The following CDHR1 variants were observed in gnomAD, a reference collection of about 807,000 sequenced individuals.
The protein encoded by CDHR1 is cadherin related family member 1.
CDHR1 carries 61 observed loss-of-function variants against 72.1 expected under a neutral mutation model. The ratio of observed to expected loss-of-function variants is 0.85; its 90% CI spans 0.69 to 1.05. The LOEUF is 1.05. Among genes scored for constraint, CDHR1 ranks in the 50% least tolerant of loss-of-function variants. The pLI is 0.00. For missense variants in CDHR1, 1,186 were observed against 1,115.7 expected (o/e 1.06, Z -0.90); for synonymous variants, 470 against 448.1 (o/e 1.05, Z -0.62).
At position 84,199,970 on chromosome 10, in the gene CDHR1, C is replaced by T. The variant is rs918143699; in HGVS notation, c.439-631C>T. Among the ~76,000 whole-genome samples the T allele has an allele frequency of 8.5e-5, 13 of 152,224 alleles. No homozygotes were observed. In the East Asian group the frequency reaches 1.2e-3, roughly 14 times the overall value. ...GACAGATCACCTGAGGTCAGGAGTT[C>T]GAGACCAGCCTGACCAACATGGTGA... On this transcript the variant is annotated intron_variant, in intron 5 of 16. Coordinates refer to ENST00000623527, the MANE Select transcript of CDHR1 (RefSeq NM_033100.4).
At chr10:84,207,571 G>T (rs995803012) in intron 10 of CDHR1, among the ~76,000 whole-genome samples, 1 of 152,294 alleles carries the variant, frequency 6.6e-6, no homozygotes, top group East Asian at 1.9e-4. Context: ...CTGCCACATG[G>T]TTCACAAGGT....
chr10:84,205,662 AG>A, intron 9 of CDHR1, 164 bp from the exon 10 acceptor site: 1 of 679,068 alleles, frequency 1.5e-6, no homozygotes, highest in Non-Finnish European at 2.7e-6. Context: ...GCCTTAGACA[AG>A]TTACTTAGCC....
rs769702557 is a variant in CDHR1, at chr10:84,201,892, G to A, written c.611G>A (p.Arg204Gln). The A allele has an allele frequency of 5.0e-5, 80 of 1,607,226 alleles. No individual in the cohort carries two copies. Among genetic ancestry groups the A allele is most frequent in the Admixed American group, 1.7e-4 (10 of 60,006 alleles). The change falls in exon 7 of 17, where the codon CGG becomes CAG. Residue 204 changes from arginine to glutamine, a missense_variant. Coordinates refer to ENST00000623527, the MANE Select transcript of CDHR1 (RefSeq NM_033100.4). ...AGATLDYERS[R>Q]THYITVVAKD... ...GCCACTCTGGACTACGAGAGGTCCC[G>A]GACCCACTACATCACCGTGGTCGCC...
At position 84,217,222 on chromosome 10, in the gene CDHR1, A is replaced by G; in HGVS notation, c.*2601A>G. Reference sequence around the variant, plus strand: ...GGGCTGTCTGCTAGGTCCCAGTAGGACAGGCAGAGCTCCAGGCTGGCACCA... The same window carrying G: ...GGGCTGTCTGCTAGGTCCCAGTAGGGCAGGCAGAGCTCCAGGCTGGCACCA... On this transcript the variant is annotated 3_prime_UTR_variant, in exon 17 of 17. Transcript: ENST00000623527. 1.0e-6 allele frequency: 1 copy of G among 985,490 alleles called. No individual in the cohort carries two copies. Among genetic ancestry groups the G allele is most frequent in the Non-Finnish European group, 1.2e-6 (1 of 829,980 alleles). The allele number at this position is 985,490 out of a possible 1,614,324, so 61.0% of individuals were successfully genotyped here.
intron 4 of CDHR1, 75 bp from the exon 5 acceptor site, chr10:84,198,957 T>C: frequency 7.5e-6 from 8 of 1,060,238 alleles, no homozygotes; most frequent in Non-Finnish European, 1.1e-5. Context: ...TACATTGGAG[T>C]GATAGAGGTC....
chr10:84,216,016 G>A lies in CDHR1; in HGVS notation c.*1395G>A. 2.0e-6 allele frequency: 2 copies of A among 985,460 alleles called. No homozygotes were observed. Among genetic ancestry groups the A allele is most frequent in the Non-Finnish European group, 2.4e-6 (2 of 829,956 alleles). The allele number at this position is 985,460 out of a possible 1,614,324, so 61.0% of individuals were successfully genotyped here. On this transcript the variant is annotated 3_prime_UTR_variant, in exon 17 of 17. Transcript: ENST00000623527. ...GCAAAGATCTTGTCTAGCCAGGGCA[G>A]CCCTTATCAGCTTGTGACAACCTTC...
chr10:84,213,631 G>A (rs1489758720), intron 16 of CDHR1, among the ~76,000 whole-genome samples: 2 of 152,218 alleles, frequency 1.3e-5, no homozygotes, highest in African/African-American at 4.8e-5. Flanking sequence ...AAAGCAGAGT[G>A]AAGTCATTAT....
chr10:84,214,889 A>G lies in CDHR1; in HGVS notation c.*268A>G. ...CCCCGTTACTCAAATCCTTGGCACT[A>G]CTACAATGCCCTCCATTCTTCAGGG... On this transcript the variant is annotated 3_prime_UTR_variant, in exon 17 of 17. Transcript: ENST00000623527. The G allele has an allele frequency of 7.1e-7, 1 of 1,415,674 alleles. No individual in the cohort carries two copies. The highest frequency in any genetic ancestry group is 1.5e-5 in the South Asian group (1 of 66,996). 87.7% of individuals were successfully genotyped at this position (1,415,674 alleles called of 1,614,324 possible). A position where few individuals can be genotyped will look rare whatever the true frequency, so the allele number is the denominator to read the frequency against.
intron 8 of CDHR1, 122 bp from the exon 9 acceptor site, chr10:84,204,405 C>T (rs908845467): frequency 9.3e-6 from 7 of 756,196 alleles, no homozygotes; most frequent in African/African-American, 5.1e-5. Context: ...TCCACCGCCA[C>T]GTAGAGGCCT....
chr10:84,210,921 G>A (rs887666333), intron 12 of CDHR1, 80 bp from the exon 13 acceptor site: 1 of 1,467,244 alleles, frequency 6.8e-7, no homozygotes, highest in Non-Finnish European at 9.5e-7. Context: ...TGCCACATCA[G>A]TCCTGGGGAG....
intron 11 of CDHR1, among the ~76,000 whole-genome samples, 176 bp downstream of exon 11, chr10:84,208,553 A>G (rs888834858): frequency 1.3e-5 from 2 of 152,204 alleles, no homozygotes; most frequent in Non-Finnish European, 2.9e-5. Context: ...TAACCAATCA[A>G]AGACTATCTG....
rs375309991 is a variant in CDHR1 at position 84,208,163 on chromosome 10, C to A, written c.964-11C>A. On this transcript the variant is annotated splice_polypyrimidine_tract_variant and intron_variant, in intron 10 of 16. Coordinates refer to ENST00000623527, the MANE Select transcript of CDHR1 (RefSeq NM_033100.4). The stretch of plus-strand genomic sequence containing the variant: ...CTGCCACACAGCCATAGCCACTTGT[C>A]CCCATCCCAGGTGACTGAAATGAGC... 5.0e-6 allele frequency: 8 copies of A among 1,613,242 alleles called. No homozygotes were observed. In the East Asian group the frequency reaches 8.9e-5, roughly 18 times the overall value.
Position 84,218,294 on chromosome 10 carries a change from G to A in CDHR1, c.*3673G>A. 1 of 985,432 alleles carries A rather than the reference G, an allele frequency of 1.0e-6. No homozygotes were observed. The highest frequency in any genetic ancestry group is 1.2e-6 in the Non-Finnish European group (1 of 829,928). The allele number at this position is 985,432 out of a possible 1,614,324, so 61.0% of individuals were successfully genotyped here. On this transcript the variant is annotated 3_prime_UTR_variant, in exon 17 of 17. Transcript: ENST00000623527. ...GTCATGGCTTAAGCGACCATCATTT[G>A]ATCAATAAAGCAGAGTAGCAACAGG...
In CDHR1 at chr10:84,200,678, C is replaced by T; in HGVS notation, c.516C>T (p.Tyr172=). 6.2e-7 allele frequency: 1 copy of T among 1,609,878 alleles called. No individual in the cohort carries two copies. Among genetic ancestry groups the T allele is most frequent in the Non-Finnish European group, 8.5e-7 (1 of 1,177,946 alleles). ...RDTGSGGSVT[Y]FLQNLHSPFA... Reference sequence around the variant, plus strand: ...CAGGCTCTGGAGGGAGTGTCACCTACTTCCTGCAGGTAAGGCAGGACACAC... The same window carrying T: ...CAGGCTCTGGAGGGAGTGTCACCTATTTCCTGCAGGTAAGGCAGGACACAC... The change falls in exon 6 of 17, where the codon TAC becomes TAT. Residue 172 remains tyrosine (Y), a synonymous_variant. Transcript: ENST00000623527.
At chr10:84,210,092 C>T (rs917845676) in intron 12 of CDHR1, among the ~76,000 whole-genome samples, 8 of 152,098 alleles carry the variant, frequency 5.3e-5, no homozygotes, top group Admixed American at 1.3e-4. Flanking sequence ...TTGTGGTGCA[C>T]GCCTGTAGTC....
At chr10:84,194,885 G>A (rs1841999574) in intron 1 of CDHR1, 70 bp downstream of exon 1, 5 of 1,419,898 alleles carry the variant, frequency 3.5e-6, no homozygotes, top group Non-Finnish European at 1.9e-6. Flanking sequence ...CACCCAGGTG[G>A]CCAGAGGGAC....
At chr10:84,197,636 T>C in intron 3 of CDHR1, 150 bp from the exon 4 acceptor site, 1 of 754,906 alleles carries the variant, frequency 1.3e-6, no homozygotes, top group Admixed American at 1.8e-5. Context: ...CCAGGCATGC[T>C]GTCACCACCA....
intron 9 of CDHR1, among the ~76,000 whole-genome samples, chr10:84,204,816 G>A (rs760554147): frequency 1.3e-5 from 2 of 152,166 alleles, no homozygotes; most frequent in Non-Finnish European, 2.9e-5. Context: ...AGAGAGCATG[G>A]GGCAGGGGCG....
chr10:84,204,455 T>A, intron 8 of CDHR1, 72 bp from the exon 9 acceptor site: 1 of 1,073,446 alleles, frequency 9.3e-7, no homozygotes, highest in Non-Finnish European at 1.5e-6. Context: ...CTTTTCATCA[T>A]GGAGACATTG....
Sources: gnomAD v4.1 joint callset for allele counts (sites outside exome capture counted in the v4.1 genomes callset) on GRCh38, gnomAD v4.1.1 for gene constraint, MANE v1.5 for transcripts, NCBI Gene and HGNC (gene_info 2026-07-23, HGNC 2026-07-21) for gene names.